Variants in ACAP2 observed in about 807,000 individuals in gnomAD.
The protein encoded by ACAP2 is arf-GAP with coiled-coil, ANK repeat and PH domain-containing protein 2.
ACAP2 carries 39 observed loss-of-function variants against 115.8 expected under a neutral mutation model. The ratio of observed to expected loss-of-function variants is 0.34; its 90% CI spans 0.26 to 0.44. ACAP2 has a LOEUF of 0.44. Among genes scored for constraint, ACAP2 ranks in the 20% least tolerant of loss-of-function variants. The pLI, the probability that ACAP2 is intolerant of heterozygous loss-of-function variation, is 1.00. For synonymous variants in ACAP2, 289 were observed against 315.8 expected (o/e 0.92, Z 0.90); for missense variants, 662 against 927.6 (o/e 0.71, Z 3.72).
intron 10 of ACAP2, chr3:195,312,957 C>T (rs1728862116): frequency 6.6e-6 from 1 of 152,070 alleles, no homozygotes; most frequent in African/African-American, 2.4e-5. Flanking sequence ...CTGATGTGAT[C>T]GGGCTTTTTC....
intron 4 of ACAP2, among the ~76,000 whole-genome samples, chr3:195,378,084 A>G (rs1475200481): frequency 3.3e-5 from 5 of 149,652 alleles, no homozygotes; most frequent in South Asian, 2.1e-4. Flanking sequence ...GGAAGGGAGG[A>G]AGGGAGGAGG....
intron 4 of ACAP2, among the ~76,000 whole-genome samples, chr3:195,363,646 C>A (rs113776578): frequency 2.2e-4 from 21 of 95,650 alleles, no homozygotes; most frequent in South Asian, 4.3e-4. Flanking sequence ...CACACACACA[C>A]AAAAACAGAA....
chr3:195,421,883 G>C (rs1714221985), intron 1 of ACAP2, among the ~76,000 whole-genome samples: 1 of 152,074 alleles, frequency 6.6e-6, no homozygotes, highest in Non-Finnish European at 1.5e-5. Context: ...TATATAGTAA[G>C]TTATTCTTGC....
chr3:195,337,243 C>T (rs1221809880), intron 6 of ACAP2, among the ~76,000 whole-genome samples: 1 of 152,172 alleles, frequency 6.6e-6, no homozygotes, highest in Non-Finnish European at 1.5e-5. Context: ...ACATCTGAAG[C>T]TCTGGGAATT....
At chr3:195,311,968 T>C (rs1004589617) in intron 10 of ACAP2, among the ~76,000 whole-genome samples, 5 of 150,846 alleles carry the variant, frequency 3.3e-5, no homozygotes, top group African/African-American at 1.2e-4. Context: ...TTAAAATATA[T>C]TTGTTGTAAA....
At position 195,283,324 on chromosome 3, in the gene ACAP2, A is replaced by G. The variant is rs188426447; in HGVS notation, c.2236+2472T>C. On this transcript the variant is annotated intron_variant, in intron 22 of 22. Coordinates refer to ENST00000326793, the MANE Select transcript of ACAP2 (RefSeq NM_012287.6). ...TGTGCTCTCAATCACCCCACGCAAGAAACAGGGAGTCCCAGGTCCCTAGGG... is the reference window on the plus strand; with the variant it reads ...TGTGCTCTCAATCACCCCACGCAAGGAACAGGGAGTCCCAGGTCCCTAGGG... Among the ~76,000 whole-genome samples the G allele has an allele frequency of 1.4e-4, 22 of 152,334 alleles. No individual in the cohort carries two copies. The East Asian group carries it at 3.1e-3, about 21-fold the overall frequency.
At position 195,336,980 on chromosome 3, in the gene ACAP2, A is replaced by T. The variant is rs770169091; in HGVS notation, c.529-4T>A. ...TTTTTGATTGAAGAACATTAATCTG[A>T]GGGAAAACACACGTGGTTAATCACC... On this transcript the variant is annotated splice_polypyrimidine_tract_variant and splice_region_variant and intron_variant, in intron 6 of 22. Coordinates refer to ENST00000326793, the MANE Select transcript of ACAP2 (RefSeq NM_012287.6). 4 of 1,610,236 alleles carry T rather than the reference A, an allele frequency of 2.5e-6. No individual in the cohort carries two copies. In the East Asian group the frequency reaches 8.9e-5, roughly 36 times the overall value.
chr3:195,415,354 G>A (rs1286408734), intron 1 of ACAP2, among the ~76,000 whole-genome samples: 2 of 148,312 alleles, frequency 1.3e-5, no homozygotes, highest in Non-Finnish European at 3.0e-5. Context: ...ATGGCTCACT[G>A]CAACCTCCGC....
chr3:195,279,450 C>T lies in ACAP2; in HGVS notation c.2237-22G>A, dbSNP rs1726345021. 6 of 1,430,224 alleles carry T rather than the reference C, an allele frequency of 4.2e-6. No homozygotes were observed. In the East Asian group the frequency reaches 1.4e-4, roughly 34 times the overall value. The allele number at this position is 1,430,224 out of a possible 1,614,324, so 88.6% of individuals were successfully genotyped here. On this transcript the variant is annotated intron_variant, in intron 22 of 22. Transcript: ENST00000326793. The stretch of plus-strand genomic sequence containing the variant: ...TCACCTGCATGAAATAAAATAAAGA[C>T]ACTTTAAACATTTACACAAGTATTA...
chr3:195,367,332 T>A (rs758628559), intron 4 of ACAP2, among the ~76,000 whole-genome samples: 1 of 152,198 alleles, frequency 6.6e-6, no homozygotes, highest in Non-Finnish European at 1.5e-5. Context: ...ACTTTACTAG[T>A]GGTTCTCAAA....
intron 4 of ACAP2, among the ~76,000 whole-genome samples, chr3:195,367,000 C>A (rs546842898): frequency 7.3e-6 from 1 of 136,096 alleles, no homozygotes; most frequent in Admixed American, 8.3e-5. Flanking sequence ...AATACAGAAA[C>A]AGAAGAGCAT....
At chr3:195,288,725 GAT>G (rs1560202491) in intron 21 of ACAP2, among the ~76,000 whole-genome samples, 2 of 152,112 alleles carry the variant, frequency 1.3e-5, no homozygotes, top group East Asian at 1.9e-4. Flanking sequence ...GGTTGTGGTG[GAT>G]CACGCCTGTA....
At chr3:195,307,106 C>CTT in intron 12 of ACAP2, 117 bp downstream of exon 12, 1 of 701,042 alleles carries the variant, frequency 1.4e-6, no homozygotes, top group Non-Finnish European at 2.3e-6. Flanking sequence ...ATTTTTAAAA[C>CTT]TTTTTTTTCT....
At chr3:195,428,618 A>G (rs1714869650) in intron 1 of ACAP2, among the ~76,000 whole-genome samples, 1 of 152,162 alleles carries the variant, frequency 6.6e-6, no homozygotes, top group African/African-American at 2.4e-5. Context: ...AGTAGGCTAT[A>G]CCATCTAAGT....
At chr3:195,430,004 G>C (rs962405267) in intron 1 of ACAP2, among the ~76,000 whole-genome samples, 1 of 152,122 alleles carries the variant, frequency 6.6e-6, no homozygotes, top group African/African-American at 2.4e-5. Context: ...GTATATGCTT[G>C]AAATTTTCTA....
chr3:195,365,433 A>G (rs557650974), intron 4 of ACAP2, among the ~76,000 whole-genome samples: 230 of 152,292 alleles, frequency 1.5e-3, no homozygotes, highest in African/African-American at 5.3e-3. Context: ...AATGTTGCTA[A>G]TATTGTTTTA....
intron 18 of ACAP2, among the ~76,000 whole-genome samples, chr3:195,293,816 C>T (rs1727429376): frequency 3.3e-5 from 5 of 151,996 alleles, no homozygotes; most frequent in Admixed American, 3.3e-4. Context: ...CCAGCCAGGA[C>T]AACAGAGCGA....
chr3:195,317,340 C>G (rs914704991), intron 10 of ACAP2, among the ~76,000 whole-genome samples: 19 of 152,114 alleles, frequency 1.2e-4, no homozygotes, highest in African/African-American at 4.3e-4. Context: ...ATTTACTTTA[C>G]TAATGTCCAT....
At chr3:195,339,866 A>G (rs150124556) in intron 6 of ACAP2, among the ~76,000 whole-genome samples, 73 of 152,298 alleles carry the variant, frequency 4.8e-4, no homozygotes, top group African/African-American at 1.6e-3. Flanking sequence ...CATTTACTAC[A>G]TATCTATTTT....
Sources: gnomAD v4.1 joint callset for allele counts (sites outside exome capture counted in the v4.1 genomes callset) on GRCh38, gnomAD v4.1.1 for gene constraint, MANE v1.5 for transcripts, NCBI Gene and HGNC (gene_info 2026-07-23, HGNC 2026-07-21) for gene names.